TMEM94: variants seen among roughly 807,000 people sequenced by gnomAD.
TMEM94 encodes the protein transmembrane protein 94.
A neutral mutation model predicts 158.6 loss-of-function variants in TMEM94; 81 were observed. That is an observed-to-expected ratio of 0.51 (90% CI 0.43 to 0.61). The LOEUF (loss-of-function observed/expected upper bound fraction) is 0.61. TMEM94 is among the 20% of genes least tolerant of loss of function. The pLI is 0.00. For synonymous variants in TMEM94, 751 were observed against 730.7 expected, an observed-to-expected ratio of 1.03 and a Z score of -0.45; for missense variants, 1,435 against 1,762.0, an observed-to-expected ratio of 0.81 and a Z score of 3.32.
chr17:75,486,530 AG>A, intron 5 of TMEM94, 104 bp downstream of exon 5: 1 of 1,390,272 alleles, frequency 7.2e-7, no homozygotes, highest in South Asian at 1.3e-5. Context: ...GCCTGTGGCC[AG>A]CATTGCAGGG....
At chr17:75,463,091 C>CAT (rs2050153804) in intron 1 of TMEM94, among the ~76,000 whole-genome samples, 1 of 13,358 alleles carries the variant, frequency 7.5e-5, no homozygotes, top group Non-Finnish European at 1.2e-4. Flanking sequence ...CACACACACA[C>CAT]ACATATATAT....
intron 10 of TMEM94, 115 bp downstream of exon 10, chr17:75,490,465 C>A: frequency 1.6e-6 from 2 of 1,241,000 alleles, no homozygotes; most frequent in Non-Finnish European, 2.2e-6. Context: ...TGTTGGTCAG[C>A]CTGGGCAGCT....
intron 1 of TMEM94, among the ~76,000 whole-genome samples, chr17:75,458,152 C>T (rs1321452461): frequency 6.6e-6 from 1 of 152,058 alleles, no homozygotes; most frequent in Non-Finnish European, 1.5e-5. Context: ...TATGCCTCTT[C>T]CTTGGTTTTT....
chr17:75,499,366 GT>G lies in TMEM94; in HGVS notation c.*33del. The stretch of plus-strand genomic sequence containing the variant: ...GGCTGTGGTGGCTGTAGTTGCCCCC[GT>G]CCCTGGGGCTAAAGCCAGACCCATT... On this transcript the variant is annotated 3_prime_UTR_variant, in exon 32 of 32. Coordinates refer to ENST00000314256, the MANE Select transcript of TMEM94 (RefSeq NM_014738.6). 6.3e-7 allele frequency: 1 copy of G among 1,594,020 alleles called. No homozygotes were observed. The highest frequency in any genetic ancestry group is 8.6e-7 in the Non-Finnish European group (1 of 1,162,392).
At chr17:75,496,632 C>T (rs2052714926) in intron 24 of TMEM94, 98 bp from the exon 25 acceptor site, 3 of 1,421,178 alleles carry the variant, frequency 2.1e-6, no homozygotes, top group Non-Finnish European at 2.0e-6. Flanking sequence ...CTCGTAGAAG[C>T]ATCCTGGGCG....
At chr17:75,472,218 G>A (rs1328008803) in intron 2 of TMEM94, among the ~76,000 whole-genome samples, 2 of 152,230 alleles carry the variant, frequency 1.3e-5, no homozygotes, top group African/African-American at 4.8e-5. Context: ...GCCCAGGGGT[G>A]TGCAATTTAG....
At chr17:75,470,920 AAAT>A (rs34433342) in intron 1 of TMEM94, among the ~76,000 whole-genome samples, 128,978 of 146,018 alleles carry the variant, frequency 0.88, 57,744 homozygotes, top group African/African-American at 0.97. Context: ...CTCTGTCTCA[AAAT>A]AATAATAATA....
chr17:75,469,034 G>C (rs1436527552), intron 1 of TMEM94, among the ~76,000 whole-genome samples: 2 of 152,138 alleles, frequency 1.3e-5, no homozygotes, highest in African/African-American at 4.8e-5. Context: ...GTGAGGGTAG[G>C]TGGGGAGGTA....
At chr17:75,472,893 T>C (rs1443947705) in intron 2 of TMEM94, among the ~76,000 whole-genome samples, 1 of 152,220 alleles carries the variant, frequency 6.6e-6, no homozygotes, top group Non-Finnish European at 1.5e-5. Context: ...CATCATTTTC[T>C]CCAGTTAAGT....
chr17:75,495,877 C>T lies in TMEM94; in HGVS notation c.2945-89C>T, dbSNP rs1273864679. The T allele has an allele frequency of 3.0e-6, 3 of 986,228 alleles. No homozygotes were observed. Among genetic ancestry groups the T allele is most frequent in the Non-Finnish European group, 4.7e-6 (3 of 637,068 alleles). The allele number at this position is 986,228 out of a possible 1,614,324, so 61.1% of individuals were successfully genotyped here. On this transcript the variant is annotated intron_variant, in intron 22 of 31. Coordinates refer to ENST00000314256, the MANE Select transcript of TMEM94 (RefSeq NM_014738.6). This position sits in a 1 kb window ranked among gnomAD's most constrained non-coding sequence, Gnocchi z 5.6. ...CAAAGAGGGGCCCACCTCCCATCGCCTCCTGCTCTCCTGTCCCATGGGTCT... is the reference window on the plus strand; with the variant it reads ...CAAAGAGGGGCCCACCTCCCATCGCTTCCTGCTCTCCTGTCCCATGGGTCT...
chr17:75,475,157 A>G (rs2050633835), intron 2 of TMEM94, among the ~76,000 whole-genome samples: 1 of 152,158 alleles, frequency 6.6e-6, no homozygotes, highest in African/African-American at 2.4e-5. Context: ...GAGCAGCAGC[A>G]TCCTCACAGT....
Position 75,498,739 on chromosome 17 carries a change from T to TGGAGGGCGGAGTGTGGGCTGGGGAGG in TMEM94, c.3827+18_3827+43dup. ...GCCTGTGGTGTGAGTATTGCTAGGA[T>TGGAGGGCGGAGTGTGGGCTGGGGAGG]GGAGGGCGGAGTGTGGGCTGGGGAG... On this transcript the variant is annotated intron_variant, in intron 30 of 31. Coordinates refer to ENST00000314256, the MANE Select transcript of TMEM94 (RefSeq NM_014738.6). The surrounding 1 kb of genome is among the most constrained non-coding windows in gnomAD (Gnocchi z 6.7). 1.3e-6 allele frequency: 2 copies of TGGAGGGCGGAGTGTGGGCTGGGGAGG among 1,542,044 alleles called. No homozygotes were observed. Among genetic ancestry groups the TGGAGGGCGGAGTGTGGGCTGGGGAGG allele is most frequent in the Non-Finnish European group, 1.8e-6 (2 of 1,142,556 alleles).
chr17:75,494,188 G>A (rs889000706), intron 18 of TMEM94, among the ~76,000 whole-genome samples: 3 of 152,162 alleles, frequency 2.0e-5, no homozygotes, highest in Non-Finnish European at 4.4e-5. Flanking sequence ...TGCTTTCCTG[G>A]GAAGTTACCA....
At chr17:75,494,853 G>T in intron 19 of TMEM94, 43 bp from the exon 20 acceptor site, 1 of 1,612,730 alleles carries the variant, frequency 6.2e-7, no homozygotes, top group Non-Finnish European at 8.5e-7. Context: ...CTGTTTCCAC[G>T]GGCTTTTGGG....
chr17:75,492,713 C>G lies in TMEM94; in HGVS notation c.1836C>G (p.Ile612Met), dbSNP rs4078259. 75 of 1,612,340 alleles carry G rather than the reference C, an allele frequency of 4.7e-5. No individual in the cohort carries two copies. The highest frequency in any genetic ancestry group is 6.4e-5 in the Non-Finnish European group (75 of 1,179,948). ...GATTCTCCGACCACCTGTGCAACATCGCCCTGCAAGAGAGCCACAGCGCCG... is the reference window on the plus strand; with the variant it reads ...GATTCTCCGACCACCTGTGCAACATGGCCCTGCAAGAGAGCCACAGCGCCG... Reference protein sequence around the residue: ...LCRFSDHLCNIALQESHSAVL... With the variant: ...LCRFSDHLCNMALQESHSAVL... The change falls in exon 15 of 32, where the codon ATC (isoleucine) becomes ATG (methionine). Residue 612 changes from isoleucine to methionine, a missense_variant. Transcript: ENST00000314256. The surrounding 1 kb of genome is among the most constrained non-coding windows in gnomAD (Gnocchi z 4.4).
chr17:75,461,323 C>T (rs1036998357), intron 1 of TMEM94, among the ~76,000 whole-genome samples: 1 of 151,880 alleles, frequency 6.6e-6, no homozygotes, highest in Admixed American at 6.6e-5. Context: ...TGATGTCGAA[C>T]TCCTGACCCC....
At position 75,493,359 on chromosome 17, in the gene TMEM94, G is replaced by A. The variant is rs188702225; in HGVS notation, c.2087-132G>A. 1.4e-4 allele frequency: 134 copies of A among 942,428 alleles called. No individual in the cohort carries two copies. In the African/African-American group the frequency reaches 1.7e-3, roughly 12 times the overall value. The allele number at this position is 942,428 out of a possible 1,614,324, so 58.4% of individuals were successfully genotyped here. A position where few individuals can be genotyped will look rare whatever the true frequency, so the allele number is the denominator to read the frequency against. ...GTGGCATTGCAGAGCCTTGCTGTCCGTGAGTCCCAGGGAGTCTCCTCCTCT... is the reference window on the plus strand; with the variant it reads ...GTGGCATTGCAGAGCCTTGCTGTCCATGAGTCCCAGGGAGTCTCCTCCTCT... On this transcript the variant is annotated intron_variant, in intron 16 of 31. Transcript: ENST00000314256.
At chr17:75,480,765 C>A (rs2051096430) in intron 2 of TMEM94, among the ~76,000 whole-genome samples, 1 of 152,248 alleles carries the variant, frequency 6.6e-6, no homozygotes, top group Admixed American at 6.5e-5. Flanking sequence ...GTACAGTTGC[C>A]TGGTCCTTCC....
chr17:75,457,277 T>A (rs1488836971), intron 1 of TMEM94: 10 of 152,354 alleles, frequency 6.6e-5, no homozygotes, highest in Non-Finnish European at 1.2e-4. Flanking sequence ...GGCTTTTTTT[T>A]CTTTCCGCCT....
Sources: gnomAD v4.1 joint callset for allele counts (sites outside exome capture counted in the v4.1 genomes callset) on GRCh38, gnomAD v4.1.1 for gene constraint, Gnocchi (gnomAD v3.1) non-coding constraint, MANE v1.5 for transcripts, NCBI Gene and HGNC (gene_info 2026-07-23, HGNC 2026-07-21) for gene names.